The following PLEC variants were observed in gnomAD, a reference collection of about 807,000 sequenced individuals.
PLEC encodes plectin.
In PLEC, 216 loss-of-function variants were observed where a neutral mutation model predicts 392.8. The ratio of observed to expected loss-of-function variants is 0.55; its 90% confidence interval spans 0.49 to 0.62. The LOEUF (loss-of-function observed/expected upper bound fraction) is 0.62, where lower values mean the gene tolerates loss of function less well. PLEC is among the 20% of genes least tolerant of loss of function. The pLI is 0.00. For missense variants in PLEC, 6,863 were observed against 6,563.4 expected, an observed-to-expected ratio of 1.05 and a Z score of -1.58; for synonymous variants, 3,621 against 2,980.6, an observed-to-expected ratio of 1.21 and a Z score of -7.00.
chr8:143,936,071 G>A lies in PLEC; in HGVS notation c.436-57C>T, dbSNP rs1828975171. 3.8e-6 allele frequency: 6 copies of A among 1,589,870 alleles called. No individual in the cohort carries two copies. In the East Asian group the frequency reaches 1.1e-4, roughly 30 times the overall value. On this transcript the variant is annotated intron_variant, in intron 5 of 31. Transcript: ENST00000345136. ...GCCACAGCCACCAGGCCTGCTCTGT[G>A]CCCACAGCCACATGCACAGGGGCAG...
chr8:143,976,098 T>C (rs1371206720), upstream of PLEC, among the ~76,000 whole-genome samples: 2 of 152,066 alleles, frequency 1.3e-5, no homozygotes, highest in African/African-American at 4.8e-5. Context: ...GGCCTATAAA[T>C]AGCTGCAGCC....
At chr8:143,959,353 ACT>A (rs1832755683) in intron 1 of PLEC, among the ~76,000 whole-genome samples, 1 of 151,874 alleles carries the variant, frequency 6.6e-6, no homozygotes, top group African/African-American at 2.4e-5. Flanking sequence ...AGCAGGAAAA[ACT>A]CTTCATCAGC....
At chr8:143,935,737 C>T (rs1828876711) in intron 6 of PLEC, 111 bp downstream of exon 6, 15 of 1,221,206 alleles carry the variant, frequency 1.2e-5, no homozygotes, top group Non-Finnish European at 1.8e-5. Context: ...AGCTGGCACT[C>T]ATCCCTGTTC....
intron 11 of PLEC, 85 bp from the exon 12 acceptor site, chr8:143,934,176 G>A (rs1324148890): frequency 1.3e-6 from 2 of 1,585,348 alleles, no homozygotes; most frequent in East Asian, 4.5e-5. Flanking sequence ...TCCCGCTCCG[G>A]TCTCCCTGGC....
chr8:143,960,392 G>A lies in PLEC; in HGVS notation c.70+13011C>T, dbSNP rs1341399826. On this transcript the variant is annotated intron_variant, in intron 1 of 31. Transcript: ENST00000356346. ...AGCACTTTGGGAGGTCAAGGCGGGC[G>A]GATCACCTGAGGTCAGAAGTTCGAG... Among the ~76,000 whole-genome samples the A allele has an allele frequency of 2.2e-4, 33 of 151,360 alleles. 1 individual carries two copies. The highest frequency in any genetic ancestry group is 1.9e-4 in the East Asian group (1 of 5,148).
intron 1 of PLEC, among the ~76,000 whole-genome samples, chr8:143,947,351 A>G (rs576772606): frequency 2.6e-4 from 40 of 152,354 alleles, no homozygotes; most frequent in African/African-American, 8.7e-4. Flanking sequence ...GGTGGCGGCT[A>G]CCTGGCCCCT....
intron 10 of PLEC, 53 bp from the exon 11 acceptor site, chr8:143,934,498 C>T (rs982312469): frequency 5.0e-6 from 8 of 1,606,202 alleles, no homozygotes; most frequent in East Asian, 4.5e-5. Flanking sequence ...GGGGGTGGGG[C>T]GCTGGGCCTT....
chr8:143,975,879 G>C (rs1239545240), upstream of PLEC, among the ~76,000 whole-genome samples: 1 of 151,512 alleles, frequency 6.6e-6, no homozygotes, highest in African/African-American at 2.4e-5. This position sits in a 1 kb window ranked among gnomAD's most constrained non-coding sequence, Gnocchi z 9.9. Flanking sequence ...TCCCAAACTG[G>C]ACCCGCCTCT....
upstream of PLEC, among the ~76,000 whole-genome samples, chr8:143,956,307 C>T (rs1377271062): frequency 2.6e-5 from 4 of 152,160 alleles, no homozygotes; most frequent in Admixed American, 6.5e-5. Flanking sequence ...ATTGGCCAGG[C>T]GTGGTGGCTG....
chr8:143,926,959 G>A lies in PLEC; in HGVS notation c.3945+18C>T, dbSNP rs782056159. On this transcript the variant is annotated intron_variant, in intron 29 of 31. Coordinates refer to ENST00000345136, the MANE Select transcript of PLEC (RefSeq NM_201384.3). The stretch of plus-strand genomic sequence containing the variant: ...GGCCTGCCAGCCCCTCACCCAGTTA[G>A]GTTCGGCCCCACCCTACCTCCTGGA... The A allele has an allele frequency of 6.2e-7, 1 of 1,610,130 alleles. No individual in the cohort carries two copies. Among genetic ancestry groups the A allele is most frequent in the Admixed American group, 1.7e-5 (1 of 60,020 alleles).
In PLEC at chr8:143,931,807, G is replaced by T. The variant is rs184117427; in HGVS notation, c.2178+130C>A. On this transcript the variant is annotated intron_variant, in intron 18 of 31. Coordinates refer to ENST00000345136, the MANE Select transcript of PLEC (RefSeq NM_201384.3). Reference sequence around the variant, plus strand: ...GGGGAGCACCCCTGTCCAAGGCCCCGGTCAGGCTGCAGGCAGCAGCTGGCA... The same window carrying T: ...GGGGAGCACCCCTGTCCAAGGCCCCTGTCAGGCTGCAGGCAGCAGCTGGCA... 3.2e-5 allele frequency: 46 copies of T among 1,448,252 alleles called. No individual in the cohort carries two copies. In the African/African-American group the frequency reaches 5.5e-4, roughly 17 times the overall value. The allele number at this position is 1,448,252 out of a possible 1,614,324, so 89.7% of individuals were successfully genotyped here. A position where few individuals can be genotyped will look rare whatever the true frequency, so the allele number is the denominator to read the frequency against.
intron 1 of PLEC, among the ~76,000 whole-genome samples, chr8:143,967,362 CAAAAAAAA>C (rs869137248): frequency 4.5e-4 from 21 of 46,850 alleles, no homozygotes; most frequent in African/African-American, 1.3e-3. Flanking sequence ...GACTCCATCT[CAAAAAAAA>C]AAAAAAAAAA....
chr8:143,923,907 G>A lies in PLEC; in HGVS notation c.6022C>T (p.Leu2008=), dbSNP rs1823885956. 1 of 1,594,948 alleles carries A rather than the reference G, an allele frequency of 6.3e-7. No homozygotes were observed. Among genetic ancestry groups the A allele is most frequent in the South Asian group, 1.1e-5 (1 of 90,780 alleles). Residue 2008 remains leucine (L), a synonymous_variant, in exon 31 of 32, where the codon CTG becomes TTG. Transcript: ENST00000345136. ...EEAARQRKAA[L]EEVERLKAKV... ...GCTTTCAGCCGCTCGACTTCCTCCA[G>A]CGCCGCCTTCCGCTGCCGTGCGGCC...
chr8:143,950,937 C>G (rs1007462041), upstream of PLEC: 1 of 876,100 alleles, frequency 1.1e-6, no homozygotes, highest in South Asian at 1.9e-5. Context: ...GCCGGCTGCC[C>G]GCCTTCCTCC....
rs1825827406 is a variant in PLEC at position 143,927,924 on chromosome 8, T to C, written c.3329A>G (p.Glu1110Gly). ...GAEEVLRAHE[E>G]QLKEAQAVPA... ...CACGGCCTGGGCCTCCTTGAGCTGCTCCTCGTGGGCCCTGAGCACCTCCTC... is the reference window on the plus strand; with the variant it reads ...CACGGCCTGGGCCTCCTTGAGCTGCCCCTCGTGGGCCCTGAGCACCTCCTC... Residue 1110 changes from glutamate (E) to glycine (G), a missense_variant, in exon 26 of 32, where the codon GAG becomes GGG. By Grantham distance (98) the Glu-to-Gly change is moderately conservative. Coordinates refer to ENST00000345136, the MANE Select transcript of PLEC (RefSeq NM_201384.3). 1 of 1,601,866 alleles carries C rather than the reference T, an allele frequency of 6.2e-7. No homozygotes were observed. Among genetic ancestry groups the C allele is most frequent in the Non-Finnish European group, 8.5e-7 (1 of 1,175,262 alleles).
rs186027691 is a variant in PLEC, at chr8:143,933,955, T to G, written c.1263+43A>C. On this transcript the variant is annotated intron_variant, in intron 12 of 31. Coordinates refer to ENST00000345136, the MANE Select transcript of PLEC (RefSeq NM_201384.3). ...AGGGCTGCAGGGCGGGGCAGGCTCC[T>G]CCGGCCTCCCTCCCGCCCACTGCCT... is the stretch of plus-strand genomic sequence containing the variant. 4.3e-3 allele frequency: 6,654 copies of G among 1,532,078 alleles called. 29 individuals are homozygous for G. The highest frequency in any genetic ancestry group is 5.1e-3 in the Non-Finnish European group (5,755 of 1,124,424). 94.9% of individuals were successfully genotyped at this position (1,532,078 alleles called of 1,614,324 possible).
At chr8:143,942,209 G>A (rs559315462), upstream of PLEC, among the ~76,000 whole-genome samples, 1 of 152,094 alleles carries the variant, frequency 6.6e-6, no homozygotes, top group African/African-American at 2.4e-5. Flanking sequence ...AAACAAATGG[G>A]GGTAGGGGAA....
At position 143,934,086 on chromosome 8, in the gene PLEC, T is replaced by C. The variant is rs782677139; in HGVS notation, c.1175A>G (p.Glu392Gly). Residue 392 changes from glutamate to glycine, a missense_variant, in exon 12 of 32, where the codon GAG (glutamate) becomes GGG (glycine). Physicochemically the swap from Glu to Gly is moderately conservative, Grantham distance 98. Coordinates refer to ENST00000345136, the MANE Select transcript of PLEC (RefSeq NM_201384.3). ...CTTGGTCACGATGCGCTGAAGACAC[T>C]CCAGCCTGCAGCAGCAGCACAGGGA... ...KQLRSEFERL[E>G]CLQRIVTKLQ... The C allele has an allele frequency of 6.2e-7, 1 of 1,611,254 alleles. No homozygotes were observed. The highest frequency in any genetic ancestry group is 8.5e-7 in the Non-Finnish European group (1 of 1,179,348).
intron 1 of PLEC, chr8:143,945,076 GC>G: frequency 2.5e-6 from 1 of 401,860 alleles, no homozygotes; most frequent in Non-Finnish European, 4.8e-6. Flanking sequence ...GCCCTGCCAA[GC>G]CAGGGGGTGC....
Sources: allele counts gnomAD v4.1 joint callset (sites outside exome capture counted in the v4.1 genomes callset), GRCh38; gene constraint gnomAD v4.1.1; non-coding constraint Gnocchi (gnomAD v3.1); transcripts MANE v1.5; gene names NCBI Gene and HGNC (gene_info 2026-07-23, HGNC 2026-07-21).